Variants in CFAP46 observed in about 807,000 individuals in gnomAD.
The protein encoded by CFAP46 is cilia- and flagella-associated protein 46.
CFAP46 carries 245 observed loss-of-function variants against 325.7 expected under a neutral mutation model. The observed-to-expected ratio is 0.75, with a 90% CI of 0.68 to 0.84. The LOEUF (loss-of-function observed/expected upper bound fraction) is 0.84. Ranked by LOEUF, CFAP46 falls within the 40% of genes least tolerant of loss-of-function variation. The pLI, the probability that CFAP46 is intolerant of heterozygous loss-of-function variation, is 0.00. For missense variants in CFAP46, 3,346 were observed against 3,543.0 expected, an observed-to-expected ratio of 0.94 and a Z score of 1.41; for synonymous variants, 1,523 against 1,495.9, an observed-to-expected ratio of 1.02 and a Z score of -0.42.
At chr10:132,863,403 T>C (rs61142608) in intron 35 of CFAP46, among the ~76,000 whole-genome samples, 14,401 of 152,142 alleles carry the variant, frequency 0.095, 1,836 homozygotes, top group African/African-American at 0.29. Flanking sequence ...GCTGCACCCA[T>C]GTATGTCCCC....
At chr10:132,836,568 C>T (rs1251841477) in intron 45 of CFAP46, among the ~76,000 whole-genome samples, 1 of 152,246 alleles carries the variant, frequency 6.6e-6, no homozygotes, top group Non-Finnish European at 1.5e-5. Context: ...TCCGGACGCC[C>T]AGACCAGACA....
At chr10:132,880,099 C>CGT (rs377010441) in intron 28 of CFAP46, among the ~76,000 whole-genome samples, 3 of 149,598 alleles carry the variant, frequency 2.0e-5, no homozygotes, top group African/African-American at 5.1e-5. Flanking sequence ...GCTGTGCGCA[C>CGT]GTGTGTGTGT....
Position 132,859,187 on chromosome 10 carries a change from G to C in CFAP46, c.5259C>G (p.Cys1753Trp). ...CATCCATCTCTTTCAGTAGCAACGAGCACTCTGTGGGTTCAGTGACCGCTG... is the reference window on the plus strand; with the variant it reads ...CATCCATCTCTTTCAGTAGCAACGACCACTCTGTGGGTTCAGTGACCGCTG... ...QHSAVTEPTE[C>W]SLLLKEMDDG... The change falls in exon 38 of 58, where the codon TGC becomes TGG. Residue 1753 changes from cysteine (C) to tryptophan (W), a missense_variant. By Grantham distance (215) the Cys-to-Trp change is radical (BLOSUM62 -2). Coordinates refer to ENST00000368586, the MANE Select transcript of CFAP46 (RefSeq NM_001200049.3). 6.4e-7 allele frequency: 1 copy of C among 1,550,546 alleles called. No homozygotes were observed. The highest frequency in any genetic ancestry group is 8.7e-7 in the Non-Finnish European group (1 of 1,147,018).
Position 132,889,583 on chromosome 10 carries a change from C to T in CFAP46, c.3304+2750G>A, listed in dbSNP as rs114082052. Among the ~76,000 whole-genome samples, 8 of 152,324 alleles carry T rather than the reference C, an allele frequency of 5.3e-5. No individual in the cohort carries two copies. The highest frequency in any genetic ancestry group is 1.9e-4 in the African/African-American group (8 of 41,570). On this transcript the variant is annotated intron_variant, in intron 25 of 57. Coordinates refer to ENST00000368586, the MANE Select transcript of CFAP46 (RefSeq NM_001200049.3). This position sits in a 1 kb window ranked among gnomAD's most constrained non-coding sequence, Gnocchi z 6.0. Reference sequence around the variant, plus strand: ...TCGCAGGGAGTCCTCTTCAATCCTGCCTAAGTGGAGGGCTCACTTTGAGGT... The same window carrying T: ...TCGCAGGGAGTCCTCTTCAATCCTGTCTAAGTGGAGGGCTCACTTTGAGGT...
At chr10:132,927,114 G>C (rs7071677) in intron 9 of CFAP46, among the ~76,000 whole-genome samples, 56,418 of 152,034 alleles carry the variant, frequency 0.37, 10,722 homozygotes, top group Admixed American at 0.48. Context: ...CCTTACAAAA[G>C]CTGGGGAGCA....
chr10:132,845,929 G>A, intron 44 of CFAP46, 128 bp downstream of exon 44: 1 of 1,041,830 alleles, frequency 9.6e-7, no homozygotes, highest in Non-Finnish European at 1.4e-6. Flanking sequence ...GGGGCACGGG[G>A]AGGGATGGCT....
intron 50 of CFAP46, 137 bp downstream of exon 50, chr10:132,833,217 TTGAA>T (rs1204160832): frequency 1.2e-6 from 1 of 851,698 alleles, no homozygotes; most frequent in Non-Finnish European, 1.8e-6. Flanking sequence ...ACAAATATCT[TTGAA>T]TGAATAAATG....
intron 26 of CFAP46, 119 bp from the exon 27 acceptor site, chr10:132,885,405 GC>G (rs1434628607): frequency 9.6e-7 from 1 of 1,046,444 alleles, no homozygotes; most frequent in East Asian, 2.7e-5. Context: ...GCAAAGCAGA[GC>G]CCAGGTGAGC....
intron 50 of CFAP46, among the ~76,000 whole-genome samples, chr10:132,831,384 T>C (rs1848144390): frequency 6.6e-6 from 1 of 152,190 alleles, no homozygotes; most frequent in Non-Finnish European, 1.5e-5. Context: ...GATTGTTCTG[T>C]GGCTCCATGG....
At chr10:132,940,582 T>C (rs1850082294) in intron 4 of CFAP46, among the ~76,000 whole-genome samples, 1 of 138,320 alleles carries the variant, frequency 7.2e-6, no homozygotes, top group Admixed American at 7.1e-5. Flanking sequence ...AAACAGACTC[T>C]TTTTTTTTTT....
rs373696161 is a variant in CFAP46, at chr10:132,817,844, G to A, written c.7118-2930C>T. Among the ~76,000 whole-genome samples the A allele has an allele frequency of 1.3e-5, 2 of 152,242 alleles. No homozygotes were observed. Among genetic ancestry groups the A allele is most frequent in the Non-Finnish European group, 2.9e-5 (2 of 68,048 alleles). ...TGACGGTTCTGGGAGTCGGAGGTCCGAATGGGGTCACTGGGTCACAGTGAA... is the reference window on the plus strand; with the variant it reads ...TGACGGTTCTGGGAGTCGGAGGTCCAAATGGGGTCACTGGGTCACAGTGAA... On this transcript the variant is annotated intron_variant, in intron 50 of 57. Coordinates refer to ENST00000368586, the MANE Select transcript of CFAP46 (RefSeq NM_001200049.3). The surrounding 1 kb of genome is among the most constrained non-coding windows in gnomAD (Gnocchi z 4.4).
intron 19 of CFAP46, 54 bp from the exon 20 acceptor site, chr10:132,910,122 G>A (rs1295252371): frequency 7.4e-7 from 1 of 1,344,046 alleles, no homozygotes; most frequent in Non-Finnish European, 9.6e-7. Context: ...AGGGGACCTT[G>A]AGCCAAGATC....
At chr10:132,916,251 G>A (rs147282104) in intron 17 of CFAP46, among the ~76,000 whole-genome samples, 1 of 152,336 alleles carries the variant, frequency 6.6e-6, no homozygotes, top group East Asian at 1.9e-4. Context: ...TGACGAGGGT[G>A]AGCAAGAGGG....
intron 24 of CFAP46, among the ~76,000 whole-genome samples, chr10:132,896,589 A>T (rs964416440): frequency 6.6e-6 from 1 of 152,262 alleles, no homozygotes; most frequent in African/African-American, 2.4e-5. Flanking sequence ...GAAATTAAAG[A>T]TCTAAATAAA....
intron 57 of CFAP46, among the ~76,000 whole-genome samples, chr10:132,810,125 C>T (rs1405266075): frequency 6.6e-6 from 1 of 152,234 alleles, no homozygotes; most frequent in Non-Finnish European, 1.5e-5. Context: ...CAACGAGGAA[C>T]CGTGATGCTT....
intron 50 of CFAP46, among the ~76,000 whole-genome samples, chr10:132,822,496 G>T (rs1348760206): frequency 7.3e-6 from 1 of 136,746 alleles, no homozygotes; most frequent in Non-Finnish European, 1.6e-5. Context: ...TGTGTGTGCT[G>T]ATGTGTGCTG....
intron 50 of CFAP46, among the ~76,000 whole-genome samples, chr10:132,829,561 A>C (rs1848115560): frequency 6.6e-6 from 1 of 152,108 alleles, no homozygotes; most frequent in South Asian, 2.1e-4. Flanking sequence ...CGGGATCTCC[A>C]GCGTGGTGCT....
In CFAP46 at chr10:132,924,869, T is replaced by C; in HGVS notation, c.1083A>G (p.Ile361Met). Residue 361 changes from isoleucine to methionine, a missense_variant, in exon 11 of 58, where the codon ATA becomes ATG. Ile to Met is a conservative substitution (Grantham distance 10). Coordinates refer to ENST00000368586, the MANE Select transcript of CFAP46 (RefSeq NM_001200049.3). ...RAAVEAQLDI[I>M]QRLDVALQRA... ...GCTGCAGCGCGACGTCTAGCCTCTG[T>C]ATGATATCCAGCTGGGCCTGCGGAG... 2 of 1,394,878 alleles carry C rather than the reference T, an allele frequency of 1.4e-6. No homozygotes were observed. Among genetic ancestry groups the C allele is most frequent in the Non-Finnish European group, 1.9e-6 (2 of 1,067,376 alleles). 86.4% of individuals were successfully genotyped at this position (1,394,878 alleles called of 1,614,324 possible).
chr10:132,936,204 G>A (rs1850002048), intron 7 of CFAP46, among the ~76,000 whole-genome samples: 1 of 99,848 alleles, frequency 1.0e-5, no homozygotes, highest in Non-Finnish European at 2.0e-5. Context: ...CAAACACACT[G>A]TGATCTCCTC....
Sources: allele counts gnomAD v4.1 joint callset (sites outside exome capture counted in the v4.1 genomes callset), GRCh38; gene constraint gnomAD v4.1.1; non-coding constraint Gnocchi (gnomAD v3.1); transcripts MANE v1.5; gene names NCBI Gene and HGNC (gene_info 2026-07-23, HGNC 2026-07-21).